COL4A2: variants seen among roughly 807,000 people sequenced by gnomAD.
COL4A2 encodes collagen alpha-2(IV) chain.
In COL4A2, 99 loss-of-function variants were observed where a neutral mutation model predicts 200.2. The ratio of observed to expected loss-of-function variants is 0.49; its 90% CI spans 0.42 to 0.58. COL4A2 has a LOEUF of 0.58. COL4A2 is among the 20% of genes least tolerant of loss of function. The pLI is 0.00. For missense variants in COL4A2, 1,950 were observed against 2,314.1 expected, an observed-to-expected ratio of 0.84 and a Z score of 3.23; for synonymous variants, 897 against 900.6, an observed-to-expected ratio of 1.00 and a Z score of 0.07.
intron 18 of COL4A2, 130 bp downstream of exon 18, chr13:110,446,994 A>T (rs1466292557): frequency 1.6e-5 from 9 of 550,490 alleles, no homozygotes; most frequent in Admixed American, 3.8e-5. Context: ...ATAATAATAA[A>T]AAAAATAAAA....
At chr13:110,403,258 C>T (rs532963168) in intron 4 of COL4A2, among the ~76,000 whole-genome samples, 44 of 152,314 alleles carry the variant, frequency 2.9e-4, no homozygotes, top group African/African-American at 9.9e-4. Context: ...TTCAGTTCTG[C>T]TCTCTGTTTC....
At chr13:110,511,538 A>G (rs1348769804) in intron 47 of COL4A2, among the ~76,000 whole-genome samples, 1 of 152,168 alleles carries the variant, frequency 6.6e-6, no homozygotes, top group African/African-American at 2.4e-5. Context: ...AAGAGTAAAC[A>G]TTGTGTTATC....
Position 110,493,458 on chromosome 13 carries a change from G to A in COL4A2, c.3634+176G>A, listed in dbSNP as rs74749636. Among the ~76,000 whole-genome samples the A allele has an allele frequency of 4.7e-3, 723 of 152,322 alleles. 7 individuals carry two copies. Among genetic ancestry groups the A allele is most frequent in the African/African-American group, 0.016 (663 of 41,582 alleles). ...GGGTCCGGGCCCTGTGGTCCTGTAC[G>A]CTGCTAAGATGTGATCCCTAAGAAT... is the stretch of plus-strand genomic sequence containing the variant. On this transcript the variant is annotated intron_variant, in intron 39 of 47. Coordinates refer to ENST00000360467, the MANE Select transcript of COL4A2 (RefSeq NM_001846.4).
At position 110,489,691 on chromosome 13, in the gene COL4A2, G is replaced by A. The variant is rs41275118; in HGVS notation, c.3272-20G>A. The A allele has an allele frequency of 0.057, 91,732 of 1,614,024 alleles. 2,817 individuals carry two copies. Among genetic ancestry groups the A allele is most frequent in the Middle Eastern group, 0.079 (478 of 6,062 alleles). On this transcript the variant is annotated intron_variant, in intron 35 of 47. Coordinates refer to ENST00000360467, the MANE Select transcript of COL4A2 (RefSeq NM_001846.4). Reference sequence around the variant, plus strand: ...CCAGTGGAAAGTCCTGTTCTTAGCCGTCTTTTTTGCATGTAACAGGTGACA... The same window carrying A: ...CCAGTGGAAAGTCCTGTTCTTAGCCATCTTTTTTGCATGTAACAGGTGACA...
chr13:110,355,613 TG>T (rs1218330712), intron 3 of COL4A2, among the ~76,000 whole-genome samples: 2 of 19,418 alleles, frequency 1.0e-4, no homozygotes, highest in Admixed American at 5.6e-4. Flanking sequence ...CCTGTGTGTG[TG>T]GGGGAGGGCT....
intron 4 of COL4A2, among the ~76,000 whole-genome samples, chr13:110,365,411 G>A (rs1877702145): frequency 6.6e-6 from 1 of 152,182 alleles, no homozygotes; most frequent in South Asian, 2.1e-4. Flanking sequence ...AAAGTGCTGG[G>A]ATTACAGGTG....
intron 3 of COL4A2, among the ~76,000 whole-genome samples, chr13:110,330,875 C>T (rs918185411): frequency 2.0e-5 from 3 of 152,076 alleles, no homozygotes; most frequent in Admixed American, 6.6e-5. Flanking sequence ...TGAGTGGTTC[C>T]TCTCTAAATG....
At position 110,512,886 on chromosome 13, in the gene COL4A2, T is replaced by A. The variant is rs11555634; in HGVS notation, c.*695T>A. The A allele has an allele frequency of 6.6e-6, 1 of 152,248 alleles. No homozygotes were observed. The highest frequency in any genetic ancestry group is 1.9e-4 in the East Asian group (1 of 5,190). The allele number at this position is 152,248 out of a possible 1,614,324, so 9.4% of individuals were successfully genotyped here. A position where few individuals can be genotyped will look rare whatever the true frequency, so the allele number is the denominator to read the frequency against. The stretch of plus-strand genomic sequence containing the variant: ...CCTTGCTACTTGAAGGTACACCCCA[T>A]AGGGTCGGAGGTGCTGTCCCCACTG... On this transcript the variant is annotated 3_prime_UTR_variant, in exon 48 of 48. Transcript: ENST00000360467.
At chr13:110,487,589 G>A (rs377115046) in intron 34 of COL4A2, among the ~76,000 whole-genome samples, 1 of 152,212 alleles carries the variant, frequency 6.6e-6, no homozygotes, top group African/African-American at 2.4e-5. Flanking sequence ...ATAAATGAAC[G>A]TGGTATATTC....
At chr13:110,456,660 T>A in intron 20 of COL4A2, 1 of 418,740 alleles carries the variant, frequency 2.4e-6, no homozygotes, top group East Asian at 7.1e-5. Flanking sequence ...GGTTTATGGA[T>A]CATTTGGGGA....
chr13:110,449,093 A>G (rs1022046510), intron 18 of COL4A2, among the ~76,000 whole-genome samples: 1 of 152,276 alleles, frequency 6.6e-6, no homozygotes, highest in African/African-American at 2.4e-5. Context: ...GTAAGACGAC[A>G]TGCAGAGTGA....
rs754860447 is a variant in COL4A2 at position 110,511,983 on chromosome 13, G to A, written c.4931G>A (p.Gly1644Asp). ...GGTGGCCAATCACTGGTGTCACCGG[G>A]CAGCTGTCTAGAGGACTTCCGCGCC... ...EGGGQSLVSP[G>D]SCLEDFRATP... The change falls in exon 48 of 48, where the codon GGC becomes GAC. Residue 1644 changes from glycine to aspartate, a missense_variant. Physicochemically the swap from Gly to Asp is moderately conservative, Grantham distance 94. Transcript: ENST00000360467. The A allele has an allele frequency of 3.1e-6, 5 of 1,613,580 alleles. No individual in the cohort carries two copies. Among genetic ancestry groups the A allele is most frequent in the Non-Finnish European group, 4.2e-6 (5 of 1,180,050 alleles).
Position 110,480,347 on chromosome 13 carries a change from A to G in COL4A2, c.2715A>G (p.Gly905=). 1 of 1,613,620 alleles carries G rather than the reference A, an allele frequency of 6.2e-7. No individual in the cohort carries two copies. The highest frequency in any genetic ancestry group is 8.5e-7 in the Non-Finnish European group (1 of 1,179,778). The change falls in exon 31 of 48, where the codon GGA becomes GGG. Residue 905 remains glycine (G), a synonymous_variant. Coordinates refer to ENST00000360467, the MANE Select transcript of COL4A2 (RefSeq NM_001846.4). ...TGEQGHPGSP[G]FKGIDGMPGT... ...AGCAAGGCCATCCAGGAAGCCCTGG[A>G]TTTAAAGGAATTGATGGAATGCCTG...
At chr13:110,498,450 C>T (rs150033339) in intron 40 of COL4A2, among the ~76,000 whole-genome samples, 11 of 152,214 alleles carry the variant, frequency 7.2e-5, no homozygotes, top group African/African-American at 1.9e-4. Context: ...GATGGGATTT[C>T]GACAGGGTGC....
intron 4 of COL4A2, among the ~76,000 whole-genome samples, chr13:110,400,135 C>T (rs1188505777): frequency 6.6e-6 from 1 of 152,168 alleles, no homozygotes; most frequent in African/African-American, 2.4e-5. Flanking sequence ...TAGGAAACTC[C>T]CTTCTTAATT....
At chr13:110,344,155 A>T (rs1056349841) in intron 3 of COL4A2, among the ~76,000 whole-genome samples, 4 of 152,252 alleles carry the variant, frequency 2.6e-5, no homozygotes, top group African/African-American at 7.2e-5. Flanking sequence ...TCTAAATGTA[A>T]CATGTGAAAC....
Position 110,492,129 on chromosome 13 carries a change from C to T in COL4A2, c.3514C>T (p.Pro1172Ser). 5.8e-6 allele frequency: 9 copies of T among 1,553,712 alleles called. No individual in the cohort carries two copies. Among genetic ancestry groups the T allele is most frequent in the Non-Finnish European group, 7.8e-6 (9 of 1,147,924 alleles). Residue 1172 changes from proline to serine, a missense_variant, in exon 38 of 48, where the codon CCT (proline) becomes TCT (serine). This residue lies in a region of COL4A2 where 1,385 missense variants were observed against 1,720.5 expected (regional missense o/e 0.80). Coordinates refer to ENST00000360467, the MANE Select transcript of COL4A2 (RefSeq NM_001846.4). ...SQGELGRIGL[P>S]GGKGDDGWPG... ...GGGAGAGCTGGGGCGGATTGGACTG[C>T]CTGGTGGCAAAGGAGATGATGGCTG...
intron 3 of COL4A2, among the ~76,000 whole-genome samples, chr13:110,325,346 C>A (rs575551728): frequency 6.6e-6 from 1 of 152,332 alleles, no homozygotes; most frequent in South Asian, 2.1e-4. Flanking sequence ...TTGTTAAAGG[C>A]AGCCCTGTTT....
At chr13:110,328,551 G>A (rs1259001945) in intron 3 of COL4A2, 1 of 152,218 alleles carries the variant, frequency 6.6e-6, no homozygotes. Flanking sequence ...CTTTTCAGAA[G>A]AAATCGATGG....
Sources: gnomAD v4.1 joint callset for allele counts (sites outside exome capture counted in the v4.1 genomes callset) on GRCh38, gnomAD v4.1.1 for gene constraint, gnomAD v4.1.1 regional missense constraint, MANE v1.5 for transcripts, NCBI Gene and HGNC (gene_info 2026-07-23, HGNC 2026-07-21) for gene names.